Variants in PPP1R7 observed in about 807,000 individuals in gnomAD.
PPP1R7 encodes protein phosphatase 1 regulatory subunit 7, also known as protein phosphatase 1 regulatory subunit 22.
A neutral mutation model predicts 45.2 loss-of-function variants in PPP1R7; 18 were observed. The observed-to-expected ratio is 0.40, with a 90% CI of 0.28 to 0.59. PPP1R7 has a LOEUF of 0.59. PPP1R7 is among the 20% of genes least tolerant of loss of function. The pLI, the probability that PPP1R7 is intolerant of heterozygous loss-of-function variation, is 0.46. For missense variants in PPP1R7, 314 were observed against 455.8 expected (o/e 0.69, Z 2.83); for synonymous variants, 181 against 183.4 (o/e 0.99, Z 0.11).
intron 9 of PPP1R7, among the ~76,000 whole-genome samples, chr2:241,175,979 T>C (rs1419199261): frequency 6.6e-6 from 1 of 152,178 alleles, no homozygotes; most frequent in African/African-American, 2.4e-5. Flanking sequence ...GGTTTCACCA[T>C]GTTGGCCAGG....
rs368401731 is a variant in PPP1R7, at chr2:241,170,955, G to C, written c.906+1088G>C. On this transcript the variant is annotated intron_variant, in intron 9 of 9. Transcript: ENST00000234038. ...AGGAAGGTGTGGCTGGTGGTAGGCTGGTTGAATTAGTGCATAGGGAGTTGG... is the reference window on the plus strand; with the variant it reads ...AGGAAGGTGTGGCTGGTGGTAGGCTCGTTGAATTAGTGCATAGGGAGTTGG... Among the ~76,000 whole-genome samples, 270 of 152,262 alleles carry C rather than the reference G, an allele frequency of 1.8e-3. 2 individuals carry two copies. The highest frequency in any genetic ancestry group is 6.2e-3 in the African/African-American group (256 of 41,540).
upstream of PPP1R7, chr2:241,150,319 C>T (rs1041846722): frequency 3.8e-6 from 5 of 1,331,394 alleles, no homozygotes; most frequent in Non-Finnish European, 4.8e-6. Context: ...GGGGGAGGCG[C>T]GGCGCGCGGC....
At chr2:241,172,076 G>C (rs1423223803) in intron 9 of PPP1R7, among the ~76,000 whole-genome samples, 3 of 150,698 alleles carry the variant, frequency 2.0e-5, no homozygotes, top group Non-Finnish European at 4.4e-5. Flanking sequence ...TTGAGTTTAA[G>C]TCTATCATCT....
intron 7 of PPP1R7, 39 bp from the exon 8 acceptor site, chr2:241,166,298 C>T: frequency 1.3e-6 from 2 of 1,525,450 alleles, no homozygotes; most frequent in Non-Finnish European, 1.8e-6. Flanking sequence ...TTCATACCTT[C>T]TGTACTGTTC....
chr2:241,162,530 G>T (rs1239125843), intron 6 of PPP1R7, among the ~76,000 whole-genome samples: 1 of 152,120 alleles, frequency 6.6e-6, no homozygotes, highest in Admixed American at 6.5e-5. Flanking sequence ...CAGCAAGAGT[G>T]ATGTAGGAGG....
Position 241,160,387 on chromosome 2 carries a change from A to G in PPP1R7, c.490A>G (p.Thr164Ala), listed in dbSNP as rs1173260839. The stretch of plus-strand genomic sequence containing the variant: ...AAACATCGAAGGGGTTGACAAGTTG[A>G]CACGACTGAAAAAACTCTTCTTGGT... ...LRNIEGVDKL[T>A]RLKKLFLVNN... is the part of the protein sequence containing the mutation. Residue 164 changes from threonine to alanine, a missense_variant, in exon 6 of 10, where the codon ACA (threonine) becomes GCA (alanine). Physicochemically the swap from Thr to Ala is moderately conservative, Grantham distance 58. Around this residue, in one of 3 missense-constraint regions of PPP1R7, gnomAD observed 168 missense variants for 285.3 expected, o/e 0.59. Coordinates refer to ENST00000234038, the MANE Select transcript of PPP1R7 (RefSeq NM_002712.3). 2 of 1,613,048 alleles carry G rather than the reference A, an allele frequency of 1.2e-6. No individual in the cohort carries two copies. The highest frequency in any genetic ancestry group is 3.4e-5 in the Admixed American group (2 of 59,698).
In PPP1R7 at chr2:241,171,264, C is replaced by A. The variant is rs372334125; in HGVS notation, c.906+1397C>A. Among the ~76,000 whole-genome samples the A allele has an allele frequency of 1.8e-3, 276 of 152,272 alleles. 2 individuals carry two copies. Among genetic ancestry groups the A allele is most frequent in the African/African-American group, 5.6e-3 (234 of 41,552 alleles). ...AGGCTGGTGATCAATCACTAGGGGC[C>A]AGGTAGTGCCTGACCCTGTAACACA... On this transcript the variant is annotated intron_variant, in intron 9 of 9. Transcript: ENST00000234038.
At chr2:241,157,068 C>T (rs190254138) in intron 2 of PPP1R7, among the ~76,000 whole-genome samples, 2 of 152,272 alleles carry the variant, frequency 1.3e-5, no homozygotes, top group East Asian at 1.9e-4. Context: ...GGGAAGCTGT[C>T]GCCTCAGCAG....
upstream of PPP1R7, chr2:241,149,629 G>A: frequency 6.5e-7 from 1 of 1,538,130 alleles, no homozygotes; most frequent in Non-Finnish European, 8.7e-7. Flanking sequence ...ACGGCGCTTC[G>A]GAGGAGCCAA....
chr2:241,165,906 T>A (rs1279729563), intron 7 of PPP1R7, among the ~76,000 whole-genome samples: 1 of 125,306 alleles, frequency 8.0e-6, no homozygotes, highest in Non-Finnish European at 1.7e-5. Flanking sequence ...CCTTTATATA[T>A]ATATATTTTT....
chr2:241,171,279 C>G (rs1219474356), intron 9 of PPP1R7, among the ~76,000 whole-genome samples: 2 of 152,128 alleles, frequency 1.3e-5, no homozygotes, highest in African/African-American at 2.4e-5. Flanking sequence ...AGTGCCTGAC[C>G]CTGTAACACA....
intron 1 of PPP1R7, among the ~76,000 whole-genome samples, chr2:241,152,585 A>G (rs562532485): frequency 6.6e-6 from 1 of 152,332 alleles, no homozygotes; most frequent in Non-Finnish European, 1.5e-5. Flanking sequence ...TTACTTTGCT[A>G]GGCTAAGCGG....
intron 9 of PPP1R7, among the ~76,000 whole-genome samples, chr2:241,181,637 GT>G (rs2068009027): frequency 6.6e-6 from 1 of 152,156 alleles, no homozygotes. Context: ...GGGCAGGGCA[GT>G]GGGCAGTGTG....
intron 9 of PPP1R7, among the ~76,000 whole-genome samples, chr2:241,181,055 G>A (rs1049226300): frequency 6.6e-5 from 10 of 152,068 alleles, no homozygotes; most frequent in Admixed American, 5.2e-4. Flanking sequence ...AAAATTAGCC[G>A]AGCATGATGG....
intron 4 of PPP1R7, 163 bp downstream of exon 4, chr2:241,158,712 T>C: frequency 1.5e-6 from 1 of 670,058 alleles, no homozygotes; most frequent in Non-Finnish European, 2.6e-6. Flanking sequence ...GCACAGCAGG[T>C]GTGAGACAGC....
chr2:241,149,980 G>T, upstream of PPP1R7: 2 of 1,419,032 alleles, frequency 1.4e-6, no homozygotes, highest in Non-Finnish European at 1.8e-6. Flanking sequence ...GCGCGGGGAC[G>T]CCGGGAGAAT....
chr2:241,182,826 C>T lies in PPP1R7; in HGVS notation c.*3C>T, dbSNP rs2068028013. 6.2e-7 allele frequency: 1 copy of T among 1,606,740 alleles called. No individual in the cohort carries two copies. The highest frequency in any genetic ancestry group is 1.7e-5 in the Admixed American group (1 of 59,880). On this transcript the variant is annotated 3_prime_UTR_variant, in exon 10 of 10. Transcript: ENST00000234038. Reference sequence around the variant, plus strand: ...ATGCCACGTTCGTCAGGTTCTGAGTCCTTCTTGGCTCCTCATGTGGTCCCT... The same window carrying T: ...ATGCCACGTTCGTCAGGTTCTGAGTTCTTCTTGGCTCCTCATGTGGTCCCT...
intron 9 of PPP1R7, among the ~76,000 whole-genome samples, chr2:241,176,958 C>T (rs762995351): frequency 2.0e-5 from 3 of 152,112 alleles, no homozygotes; most frequent in Non-Finnish European, 2.9e-5. Flanking sequence ...CAGCTGGGCA[C>T]GGTGGCTCAC....
rs1471051366 is a variant in PPP1R7 at position 241,183,408 on chromosome 2, C to T, written c.*585C>T. On this transcript the variant is annotated 3_prime_UTR_variant, in exon 10 of 10. Coordinates refer to ENST00000234038, the MANE Select transcript of PPP1R7 (RefSeq NM_002712.3). ...CTCCTTCAAAGAGCGCCGGGCAGGG[C>T]TGACTGTTTTCACGTGTGCCCGTCA... 2.1e-6 allele frequency: 1 copy of T among 471,216 alleles called. No individual in the cohort carries two copies. The highest frequency in any genetic ancestry group is 2.0e-5 in the African/African-American group (1 of 50,214). 29.2% of individuals were successfully genotyped at this position (471,216 alleles called of 1,614,324 possible). A position where few individuals can be genotyped will look rare whatever the true frequency, so the allele number is the denominator to read the frequency against.
Sources: gnomAD v4.1 joint callset for allele counts (sites outside exome capture counted in the v4.1 genomes callset) on GRCh38, gnomAD v4.1.1 for gene constraint, gnomAD v4.1.1 regional missense constraint, MANE v1.5 for transcripts, NCBI Gene and HGNC (gene_info 2026-07-23, HGNC 2026-07-21) for gene names.